Variants in RFTN2 observed in about 807,000 individuals in gnomAD.
The protein encoded by RFTN2 is raftlin-2.
In RFTN2, 34 loss-of-function variants were observed where a neutral mutation model predicts 52.7. The ratio of observed to expected loss-of-function variants is 0.64; its 90% CI spans 0.49 to 0.86. RFTN2 has a LOEUF of 0.86. RFTN2 is among the 40% of genes least tolerant of loss of function. The pLI, the probability that RFTN2 is intolerant of heterozygous loss-of-function variation, is 0.00. For missense variants in RFTN2, 536 were observed against 600.1 expected (o/e 0.89, Z 1.12); for synonymous variants, 203 against 217.7 (o/e 0.93, Z 0.59).
intron 8 of RFTN2, among the ~76,000 whole-genome samples, chr2:197,581,695 C>A (rs896893282): frequency 6.6e-6 from 1 of 152,150 alleles, no homozygotes; most frequent in African/African-American, 2.4e-5. Flanking sequence ...CATCTGTTAC[C>A]TACCTCGGCA....
chr2:197,623,282 C>A (rs1016741776), intron 5 of RFTN2, among the ~76,000 whole-genome samples: 4 of 152,136 alleles, frequency 2.6e-5, no homozygotes, highest in African/African-American at 7.2e-5. Flanking sequence ...GAGGTTGACT[C>A]CAATTTTCAT....
chr2:197,670,142 A>G (rs752303429), intron 1 of RFTN2, among the ~76,000 whole-genome samples: 1 of 152,160 alleles, frequency 6.6e-6, no homozygotes, highest in Non-Finnish European at 1.5e-5. Flanking sequence ...GTTTTGTTAT[A>G]TATTGTCTAT....
At chr2:197,619,613 C>G (rs1313454355) in intron 5 of RFTN2, among the ~76,000 whole-genome samples, 1 of 148,600 alleles carries the variant, frequency 6.7e-6, no homozygotes, top group Non-Finnish European at 1.5e-5. Context: ...TGCGGAAGGC[C>G]GCAGGGTCCT....
chr2:197,652,220 T>C (rs1229027697), intron 1 of RFTN2, among the ~76,000 whole-genome samples: 1 of 152,180 alleles, frequency 6.6e-6, no homozygotes. Context: ...TGTTCAAGGA[T>C]CACTTAAGAA....
intron 3 of RFTN2, among the ~76,000 whole-genome samples, chr2:197,635,224 T>A (rs1404842930): frequency 6.6e-6 from 1 of 152,156 alleles, no homozygotes; most frequent in Non-Finnish European, 1.5e-5. Flanking sequence ...TATAGCAGCA[T>A]GATTTATAGT....
At chr2:197,651,376 T>C (rs2088824658) in intron 1 of RFTN2, among the ~76,000 whole-genome samples, 1 of 152,188 alleles carries the variant, frequency 6.6e-6, no homozygotes, top group South Asian at 2.1e-4. Flanking sequence ...CCCAGCAATT[T>C]CAATGGCCAG....
intron 3 of RFTN2, among the ~76,000 whole-genome samples, chr2:197,643,882 A>G (rs746495962): frequency 2.6e-5 from 4 of 152,188 alleles, no homozygotes; most frequent in Non-Finnish European, 4.4e-5. Context: ...AGCATTCATT[A>G]AATAATGGTT....
intron 8 of RFTN2, among the ~76,000 whole-genome samples, chr2:197,572,594 C>T (rs543452342): frequency 6.6e-6 from 1 of 152,308 alleles, no homozygotes; most frequent in Non-Finnish European, 1.5e-5. Flanking sequence ...TGAAATCATA[C>T]TTTGGGAGAA....
At chr2:197,634,429 A>T (rs902101562) in intron 3 of RFTN2, among the ~76,000 whole-genome samples, 12 of 152,164 alleles carry the variant, frequency 7.9e-5, no homozygotes, top group Non-Finnish European at 1.6e-4. Flanking sequence ...CAAAATACAT[A>T]TAGTTTTGCT....
chr2:197,630,874 G>T (rs1261410501), intron 5 of RFTN2, 137 bp downstream of exon 5: 1 of 665,800 alleles, frequency 1.5e-6, no homozygotes, highest in African/African-American at 1.8e-5. Context: ...ACATATCTGT[G>T]TAACAGCTGG....
At chr2:197,628,765 C>T (rs1032059377) in intron 5 of RFTN2, among the ~76,000 whole-genome samples, 3 of 152,192 alleles carry the variant, frequency 2.0e-5, no homozygotes, top group African/African-American at 7.2e-5. Flanking sequence ...GTAGGCTAGG[C>T]ATTCTGGGAG....
At chr2:197,663,432 G>A (rs2106268980) in intron 1 of RFTN2, among the ~76,000 whole-genome samples, 1 of 152,300 alleles carries the variant, frequency 6.6e-6, no homozygotes, top group East Asian at 1.9e-4. Flanking sequence ...TAGTGAATCT[G>A]TCCAGTTCTG....
chr2:197,629,675 TACACACACACAC>T (rs60384360), intron 5 of RFTN2, among the ~76,000 whole-genome samples: 3 of 146,606 alleles, frequency 2.0e-5, no homozygotes, highest in South Asian at 4.3e-4. Context: ...TTAATTTTTA[TACACACACACAC>T]ACACACACAC....
chr2:197,595,860 T>C (rs571039753), intron 8 of RFTN2, 131 bp downstream of exon 8: 1 of 563,914 alleles, frequency 1.8e-6, no homozygotes, highest in Admixed American at 3.3e-5. Flanking sequence ...CTAGCACATT[T>C]CCCTTATAGG....
intron 7 of RFTN2, among the ~76,000 whole-genome samples, chr2:197,608,555 C>G (rs1209356186): frequency 1.3e-5 from 2 of 150,616 alleles, no homozygotes; most frequent in African/African-American, 4.9e-5. Flanking sequence ...CTCAAGTGAT[C>G]TGCCTTCTTT....
intron 1 of RFTN2, among the ~76,000 whole-genome samples, chr2:197,666,555 C>A (rs1346967711): frequency 1.3e-5 from 2 of 152,132 alleles, no homozygotes; most frequent in Non-Finnish European, 2.9e-5. Flanking sequence ...TTTTCTCTTG[C>A]TGTTTTTAGA....
At chr2:197,627,514 C>G (rs1380261960) in intron 5 of RFTN2, among the ~76,000 whole-genome samples, 2 of 152,196 alleles carry the variant, frequency 1.3e-5, no homozygotes, top group Non-Finnish European at 2.9e-5. Context: ...TGTTATAACT[C>G]CATCCTCACT....
intron 5 of RFTN2, among the ~76,000 whole-genome samples, chr2:197,621,357 C>T (rs1232358766): frequency 6.8e-6 from 1 of 147,556 alleles, no homozygotes; most frequent in Non-Finnish European, 1.5e-5. Flanking sequence ...CACAGTCCCA[C>T]CTTGCTTTAT....
chr2:197,625,690 T>G (rs1574718757), intron 5 of RFTN2, among the ~76,000 whole-genome samples: 2 of 130,742 alleles, frequency 1.5e-5, no homozygotes, highest in Non-Finnish European at 3.3e-5. Flanking sequence ...TCTCCTCTCC[T>G]CTCCTCTCCT....
Sources: gnomAD v4.1 joint callset for allele counts (sites outside exome capture counted in the v4.1 genomes callset) on GRCh38, gnomAD v4.1.1 for gene constraint, MANE v1.5 for transcripts, NCBI Gene and HGNC (gene_info 2026-07-23, HGNC 2026-07-21) for gene names.